INTS10: variants seen among roughly 807,000 people sequenced by gnomAD.
INTS10 encodes the protein chromosome 8 open reading frame 35.
In INTS10, 44 loss-of-function variants were observed where a neutral mutation model predicts 94.4. The observed-to-expected ratio is 0.47, with a 90% CI of 0.37 to 0.60. The LOEUF is 0.60. INTS10 is among the 20% of genes least tolerant of loss of function. The pLI is 0.00. For synonymous variants in INTS10, 341 were observed against 320.7 expected (o/e 1.06, Z -0.68); for missense variants, 797 against 868.7 (o/e 0.92, Z 1.04).
chr8:19,822,951 A>G (rs1449938101), intron 5 of INTS10, among the ~76,000 whole-genome samples: 1 of 145,128 alleles, frequency 6.9e-6, no homozygotes, highest in Non-Finnish European at 1.5e-5. Context: ...TCTGTCTCAA[A>G]AAAAAAAAAA....
intron 9 of INTS10, among the ~76,000 whole-genome samples, chr8:19,828,254 C>A (rs1245571080): frequency 6.6e-6 from 1 of 152,188 alleles, no homozygotes; most frequent in Non-Finnish European, 1.5e-5. Context: ...TTTCTCATAA[C>A]AATCCAGATT....
intron 13 of INTS10, among the ~76,000 whole-genome samples, chr8:19,840,301 A>T (rs563077732): frequency 2.3e-4 from 35 of 152,304 alleles, no homozygotes; most frequent in African/African-American, 8.4e-4. Flanking sequence ...AAATGGACAG[A>T]TCATGTTTCT....
chr8:19,837,852 C>T (rs1371573570), intron 13 of INTS10, among the ~76,000 whole-genome samples: 9 of 151,346 alleles, frequency 5.9e-5, no homozygotes. Flanking sequence ...TTGATAACCC[C>T]CTAACAAGAT....
rs547993048 is a variant in INTS10 at position 19,824,407 on chromosome 8, A to T, written c.836+363A>T. 17 of 188,098 alleles carry T rather than the reference A, an allele frequency of 9.0e-5. No individual in the cohort carries two copies. In the East Asian group the frequency reaches 2.4e-3, roughly 26 times the overall value. 11.7% of individuals were successfully genotyped at this position (188,098 alleles called of 1,614,324 possible). On this transcript the variant is annotated intron_variant, in intron 7 of 16. Coordinates refer to ENST00000397977, the MANE Select transcript of INTS10 (RefSeq NM_018142.4). ...CTCGGGAGGCTGAGGTGAGAAAATCACTTGAACCCAGGACGTGGAGGCTAC... is the reference window on the plus strand; with the variant it reads ...CTCGGGAGGCTGAGGTGAGAAAATCTCTTGAACCCAGGACGTGGAGGCTAC...
In INTS10 at chr8:19,817,686, T is replaced by G; in HGVS notation, c.129+20T>G. 6.3e-7 allele frequency: 1 copy of G among 1,596,708 alleles called. No individual in the cohort carries two copies. The highest frequency in any genetic ancestry group is 1.1e-5 in the South Asian group (1 of 88,826). On this transcript the variant is annotated intron_variant, in intron 1 of 16. Transcript: ENST00000397977. ...ATCCAGGTGAGGTCCCGGCTGTGCA[T>G]GCGGCCGCTCTGCGTGGAGGTGCGC...
chr8:19,817,684 C>A lies in INTS10; in HGVS notation c.129+18C>A. ...ACATCCAGGTGAGGTCCCGGCTGTG[C>A]ATGCGGCCGCTCTGCGTGGAGGTGC... On this transcript the variant is annotated intron_variant, in intron 1 of 16. Coordinates refer to ENST00000397977, the MANE Select transcript of INTS10 (RefSeq NM_018142.4). 1 of 1,597,726 alleles carries A rather than the reference C, an allele frequency of 6.3e-7. No homozygotes were observed. The highest frequency in any genetic ancestry group is 2.3e-5 in the East Asian group (1 of 44,022).
Position 19,851,590 on chromosome 8 carries a change from G to T in INTS10, c.1977-59G>T, listed in dbSNP as rs374978168. ...GCTTTATTCCTACCCAAGTAGCAGC[G>T]ATCAGCGATGCTGGTGCTAACCCCT... is the stretch of plus-strand genomic sequence containing the variant. On this transcript the variant is annotated intron_variant, in intron 16 of 16. Transcript: ENST00000397977. This position sits in a 1 kb window ranked among gnomAD's most constrained non-coding sequence, Gnocchi z 5.0. The T allele has an allele frequency of 6.5e-5, 99 of 1,513,694 alleles. No individual in the cohort carries two copies. The East Asian group carries it at 1.9e-3, about 28-fold the overall frequency. 93.8% of individuals were successfully genotyped at this position (1,513,694 alleles called of 1,614,324 possible). A position where few individuals can be genotyped will look rare whatever the true frequency, so the allele number is the denominator to read the frequency against.
intron 13 of INTS10, chr8:19,841,765 C>T (rs550503001): frequency 6.7e-6 from 3 of 448,362 alleles, no homozygotes; most frequent in Non-Finnish European, 1.3e-5. Context: ...ATTAAATGTA[C>T]CTCGCGTCCT....
In INTS10 at chr8:19,851,614, CT is replaced by C; in HGVS notation, c.1977-34del. The C allele has an allele frequency of 1.9e-6, 3 of 1,610,830 alleles. No individual in the cohort carries two copies. In the African/African-American group the frequency reaches 4.0e-5, roughly 21 times the overall value. On this transcript the variant is annotated intron_variant, in intron 16 of 16. Coordinates refer to ENST00000397977, the MANE Select transcript of INTS10 (RefSeq NM_018142.4). The surrounding 1 kb of genome is among the most constrained non-coding windows in gnomAD (Gnocchi z 5.0). Reference sequence around the variant, plus strand: ...CGATCAGCGATGCTGGTGCTAACCCCTGGTCTTTGTCTGTTTCCCTATTGCT... The same window carrying C: ...CGATCAGCGATGCTGGTGCTAACCCCGGTCTTTGTCTGTTTCCCTATTGCT...
intron 12 of INTS10, among the ~76,000 whole-genome samples, chr8:19,834,957 A>G (rs761843936): frequency 1.3e-4 from 20 of 152,240 alleles, no homozygotes; most frequent in Admixed American, 6.5e-4. Flanking sequence ...CACGAATCCC[A>G]TTCATGAGGG....
rs7822495 is a variant in INTS10 at position 19,820,404 on chromosome 8, G to A, written c.327G>A (p.Arg109=). The A allele has an allele frequency of 0.18, 288,971 of 1,610,416 alleles. 27,668 individuals are homozygous for A. Among genetic ancestry groups the A allele is most frequent in the Middle Eastern group, 0.28 (1,671 of 6,040 alleles). Residue 109 remains arginine (R), a synonymous_variant, in exon 4 of 17, where the codon CGG becomes CGA. Transcript: ENST00000397977. ...GTTTATTTGAAACTCTTCCTGGTCG[G>A]GTCCAGTGTGAAATGTTACTAAAGG... ...LRSLFETLPG[R]VQCEMLLKVT... is the part of the protein sequence containing the mutation.
chr8:19,819,765 T>G (rs2066223757), intron 3 of INTS10, 89 bp downstream of exon 3: 1 of 915,764 alleles, frequency 1.1e-6, no homozygotes, highest in Non-Finnish European at 1.7e-6. Context: ...CCTGGGGTAT[T>G]GGTAACCATA....
chr8:19,830,907 C>A (rs1343339659), intron 10 of INTS10, among the ~76,000 whole-genome samples: 1 of 152,100 alleles, frequency 6.6e-6, no homozygotes, highest in Non-Finnish European at 1.5e-5. Context: ...CTCCTGACCA[C>A]GTGATCCGCC....
chr8:19,835,895 A>G (rs1472621802), intron 12 of INTS10, among the ~76,000 whole-genome samples: 1 of 152,188 alleles, frequency 6.6e-6, no homozygotes, highest in East Asian at 1.9e-4. Flanking sequence ...CACAACATGA[A>G]AAGGGTCGGG....
Position 19,824,929 on chromosome 8 carries a change from T to C in INTS10, c.963T>C (p.Asn321=), listed in dbSNP as rs756816513. The part of the protein sequence containing the change: ...VYSTMLVFFK[N]AFQYVNSIQP... ...CCACCATGCTGGTCTTCTTTAAGAA[T>C]GCATTCCAGTATGTCAACAGCATAC... Residue 321 remains asparagine, a synonymous_variant, in exon 8 of 17, where the codon AAT becomes AAC. Transcript: ENST00000397977. 7 of 1,614,000 alleles carry C rather than the reference T, an allele frequency of 4.3e-6. No homozygotes were observed. The highest frequency in any genetic ancestry group is 5.9e-6 in the Non-Finnish European group (7 of 1,179,950).
At chr8:19,841,924 A>G in intron 13 of INTS10, 1 of 441,856 alleles carries the variant, frequency 2.3e-6, no homozygotes, top group Non-Finnish European at 4.5e-6. Flanking sequence ...CTGTTATTCC[A>G]TGCACCTTTT....
rs1241652911 is a variant in INTS10 at position 19,817,753 on chromosome 8, C to T, written c.129+87C>T. ...CTGCCCTGGCCCAGAGCTGCGCCTG[C>T]CTGGGGGCTGCCGCCTCCTGCCCGG... On this transcript the variant is annotated intron_variant, in intron 1 of 16. Transcript: ENST00000397977. 3 of 1,492,528 alleles carry T rather than the reference C, an allele frequency of 2.0e-6. No individual in the cohort carries two copies. The Admixed American group carries it at 6.3e-5, about 31-fold the overall frequency. 92.5% of individuals were successfully genotyped at this position (1,492,528 alleles called of 1,614,324 possible).
intron 16 of INTS10, among the ~76,000 whole-genome samples, chr8:19,850,850 A>C (rs1480339354): frequency 2.0e-5 from 3 of 151,966 alleles, no homozygotes; most frequent in Admixed American, 2.0e-4. Context: ...TCTTTTTCTA[A>C]AGCACAACCT....
intron 16 of INTS10, chr8:19,848,708 C>G (rs973733976): frequency 2.0e-5 from 3 of 152,420 alleles, no homozygotes; most frequent in African/African-American, 7.2e-5. Flanking sequence ...AAGGGCCTCT[C>G]CGGTGGGGCT....
Sources: gnomAD v4.1 joint callset for allele counts (sites outside exome capture counted in the v4.1 genomes callset) on GRCh38, gnomAD v4.1.1 for gene constraint, Gnocchi (gnomAD v3.1) non-coding constraint, MANE v1.5 for transcripts, NCBI Gene and HGNC (gene_info 2026-07-23, HGNC 2026-07-21) for gene names.